SYN3: variants seen among roughly 807,000 people sequenced by gnomAD.
The protein encoded by SYN3 is synapsin-3.
A neutral mutation model predicts 65.8 loss-of-function variants in SYN3; 35 were observed. The observed-to-expected ratio is 0.53, with a 90% CI of 0.41 to 0.70. The LOEUF (loss-of-function observed/expected upper bound fraction) is 0.70. Among genes scored for constraint, SYN3 ranks in the 30% least tolerant of loss-of-function variants. SYN3 has a pLI of 0.00. For missense variants in SYN3, 680 were observed against 749.0 expected, an observed-to-expected ratio of 0.91 and a Z score of 1.08; for synonymous variants, 270 against 292.9, an observed-to-expected ratio of 0.92 and a Z score of 0.80.
At position 33,055,905 on chromosome 22, in the gene SYN3, T is replaced by C. The variant is rs946672158; in HGVS notation, c.-163+2387A>G. On this transcript the variant is annotated intron_variant, in intron 1 of 13. Coordinates refer to ENST00000358763, the MANE Select transcript of SYN3 (RefSeq NM_003490.4). The stretch of plus-strand genomic sequence containing the variant: ...CTCCTTAAGAGACACTCAATACACA[T>C]TGATTGATTAATTAGTGGATGAATG... Among the ~76,000 whole-genome samples, 3 of 152,336 alleles carry C rather than the reference T, an allele frequency of 2.0e-5. No homozygotes were observed. The South Asian group carries it at 6.2e-4, about 32-fold the overall frequency.
chr22:32,996,747 G>T (rs139249577), intron 2 of SYN3, among the ~76,000 whole-genome samples: 4 of 152,312 alleles, frequency 2.6e-5, no homozygotes, highest in African/African-American at 9.6e-5. Context: ...TCTGTAGAAG[G>T]TCCAATTTGC....
At chr22:32,784,909 G>A (rs2046153743) in intron 6 of SYN3, 1 of 152,210 alleles carries the variant, frequency 6.6e-6, no homozygotes, top group African/African-American at 2.4e-5. Flanking sequence ...CAGGGCTTGA[G>A]CCCCAACTGT....
intron 6 of SYN3, among the ~76,000 whole-genome samples, chr22:32,643,674 C>A (rs150975691): frequency 6.6e-6 from 1 of 151,670 alleles, no homozygotes; most frequent in African/African-American, 2.4e-5. Context: ...TATTTCAAAC[C>A]TCTAATATTT....
intron 3 of SYN3, among the ~76,000 whole-genome samples, chr22:32,946,721 G>T (rs2051124504): frequency 6.6e-6 from 1 of 151,910 alleles, no homozygotes; most frequent in South Asian, 2.1e-4. Flanking sequence ...ATTTTTAACA[G>T]AAAAAAAGAC....
chr22:32,944,891 C>T (rs1468042194), intron 3 of SYN3, among the ~76,000 whole-genome samples: 2 of 152,176 alleles, frequency 1.3e-5, no homozygotes, highest in Non-Finnish European at 2.9e-5. Context: ...TTCTTATACA[C>T]CAATAACAGA....
chr22:32,717,510 A>G (rs1355111115), intron 6 of SYN3, among the ~76,000 whole-genome samples: 2 of 152,134 alleles, frequency 1.3e-5, no homozygotes. Flanking sequence ...AGACATGTCC[A>G]GGAAGGAGTG....
intron 7 of SYN3, among the ~76,000 whole-genome samples, chr22:32,562,070 A>G (rs1233466292): frequency 1.3e-5 from 2 of 152,150 alleles, no homozygotes; most frequent in Non-Finnish European, 2.9e-5. Flanking sequence ...TCTTCTTCCA[A>G]TCCGAGATCC....
chr22:32,548,273 T>C (rs79691778), intron 7 of SYN3, among the ~76,000 whole-genome samples: 7,310 of 152,314 alleles, frequency 0.048, 189 homozygotes, highest in Non-Finnish European at 0.067. Context: ...CAGGACGGTC[T>C]TGAACTCCTG....
At chr22:32,694,830 T>C (rs2060714355) in intron 6 of SYN3, among the ~76,000 whole-genome samples, 1 of 152,226 alleles carries the variant, frequency 6.6e-6, no homozygotes, top group Admixed American at 6.5e-5. Flanking sequence ...ATGAGTTCCA[T>C]GCGCTATTTT....
chr22:32,587,697 G>C (rs1370100920), intron 7 of SYN3, among the ~76,000 whole-genome samples: 2 of 152,216 alleles, frequency 1.3e-5, no homozygotes, highest in African/African-American at 4.8e-5. Context: ...GTCACTTGGA[G>C]CTGATGACGG....
At chr22:32,887,270 T>C (rs4452) in intron 4 of SYN3, among the ~76,000 whole-genome samples, 138,521 of 152,018 alleles carry the variant, frequency 0.91, 63,162 homozygotes, top group African/African-American at 0.94. Flanking sequence ...CCCAGCTACT[T>C]GGGAGGCTGA....
At chr22:32,618,521 T>C (rs2059551511) in intron 6 of SYN3, among the ~76,000 whole-genome samples, 1 of 152,178 alleles carries the variant, frequency 6.6e-6, no homozygotes, top group Admixed American at 6.5e-5. Context: ...AAAAAGCTTC[T>C]AGATGCTTTT....
chr22:32,738,855 C>T (rs2061366004), intron 6 of SYN3, among the ~76,000 whole-genome samples: 1 of 152,218 alleles, frequency 6.6e-6, no homozygotes, highest in South Asian at 2.1e-4. Context: ...GGAGGCCCTC[C>T]TGGACCAGCA....
chr22:32,976,998 G>A (rs1013658501), intron 3 of SYN3, among the ~76,000 whole-genome samples: 9 of 150,986 alleles, frequency 6.0e-5, no homozygotes, highest in Non-Finnish European at 8.8e-5. Context: ...GATTCCTGGG[G>A]GGGGGGTTGC....
intron 4 of SYN3, among the ~76,000 whole-genome samples, chr22:32,928,001 T>A (rs1228582418): frequency 6.6e-6 from 1 of 152,220 alleles, no homozygotes; most frequent in Admixed American, 6.5e-5. Context: ...TGCATCCCAA[T>A]AAACCCATTG....
chr22:32,742,869 C>T (rs995952064), intron 6 of SYN3, among the ~76,000 whole-genome samples: 6 of 152,188 alleles, frequency 3.9e-5, no homozygotes, highest in South Asian at 2.1e-4. Context: ...ACAGCTCACA[C>T]GAATAGCTAT....
chr22:32,547,094 T>C (rs540618232), intron 7 of SYN3, among the ~76,000 whole-genome samples: 3 of 152,256 alleles, frequency 2.0e-5, no homozygotes, highest in Non-Finnish European at 4.4e-5. Context: ...TCCTCCACCT[T>C]AGCCTCTTGA....
chr22:32,805,688 CT>C (rs1393588734), intron 6 of SYN3, among the ~76,000 whole-genome samples: 2 of 144,034 alleles, frequency 1.4e-5, no homozygotes, highest in Non-Finnish European at 3.0e-5. Context: ...ATGGAAAACA[CT>C]GAGGCTGAAG....
At chr22:32,742,089 C>T (rs986731010) in intron 6 of SYN3, among the ~76,000 whole-genome samples, 14 of 151,826 alleles carry the variant, frequency 9.2e-5, no homozygotes, top group Admixed American at 5.2e-4. Context: ...CTGGCTAACA[C>T]GGTAAAACCC....
Sources: allele counts gnomAD v4.1 joint callset (sites outside exome capture counted in the v4.1 genomes callset), GRCh38; gene constraint gnomAD v4.1.1; transcripts MANE v1.5; gene names NCBI Gene and HGNC (gene_info 2026-07-23, HGNC 2026-07-21).